Variants in GLIS3 observed in about 807,000 individuals in gnomAD.
GLIS3 encodes the protein GLIS family zinc finger 3.
Under a neutral mutation model 78.6 loss-of-function variants are expected in GLIS3, and 53 were observed. The observed-to-expected ratio is 0.67, with a 90% CI of 0.54 to 0.85. The LOEUF is 0.85. Ranked by LOEUF, GLIS3 falls within the 40% of genes least tolerant of loss-of-function variation. GLIS3 has a pLI of 0.00. For missense variants in GLIS3, 1,703 were observed against 1,231.1 expected, an observed-to-expected ratio of 1.38 and a Z score of -5.74; for synonymous variants, 684 against 509.9, an observed-to-expected ratio of 1.34 and a Z score of -4.60.
chr9:4,263,244 G>A (rs1825690626), intron 2 of GLIS3, among the ~76,000 whole-genome samples: 1 of 152,198 alleles, frequency 6.6e-6, no homozygotes, highest in Non-Finnish European at 1.5e-5. Flanking sequence ...CAGACTCTGG[G>A]ACAGAGAGGA....
At chr9:3,907,600 C>CACACACACACACACA in intron 6 of GLIS3, among the ~76,000 whole-genome samples, 2 of 120,400 alleles carry the variant, frequency 1.7e-5, no homozygotes, top group East Asian at 5.1e-4. Flanking sequence ...ATCCTCCACC[C>CACACACACACACACA]CCCAAACACA....
intron 2 of GLIS3, among the ~76,000 whole-genome samples, chr9:4,314,077 G>A (rs756366920): frequency 1.7e-4 from 26 of 152,136 alleles, no homozygotes; most frequent in South Asian, 4.1e-4. Flanking sequence ...GGTGTGACCC[G>A]GGGCAAGTAA....
At chr9:4,074,473 T>G (rs1216769820) in intron 4 of GLIS3, among the ~76,000 whole-genome samples, 1 of 152,204 alleles carries the variant, frequency 6.6e-6, no homozygotes, top group African/African-American at 2.4e-5. Flanking sequence ...CAGACAAATT[T>G]CCATCCCGGT....
At chr9:4,129,293 T>G (rs1226492572) in intron 2 of GLIS3, among the ~76,000 whole-genome samples, 1 of 152,148 alleles carries the variant, frequency 6.6e-6, no homozygotes, top group East Asian at 1.9e-4. Context: ...GTGCCGTATT[T>G]CTCCATGTCT....
chr9:4,239,339 AT>A (rs1220065142), intron 2 of GLIS3, among the ~76,000 whole-genome samples: 4 of 151,954 alleles, frequency 2.6e-5, no homozygotes, highest in Non-Finnish European at 2.9e-5. Flanking sequence ...ACCAAAAAAA[AT>A]GTTCTCTTAA....
chr9:4,380,534 T>C, the GLIS3 span, among the ~76,000 whole-genome samples: 4 of 152,350 alleles, frequency 2.6e-5, no homozygotes, highest in East Asian at 3.9e-4. Context: ...CACTTTTGCA[T>C]AATCAGAATC....
chr9:4,215,761 G>A (rs1262061734), intron 2 of GLIS3, among the ~76,000 whole-genome samples: 1 of 152,064 alleles, frequency 6.6e-6, no homozygotes, highest in Non-Finnish European at 1.5e-5. Flanking sequence ...TAACATTGTG[G>A]TACTACAAAG....
At chr9:3,900,235 T>G (rs1164779329) in intron 6 of GLIS3, among the ~76,000 whole-genome samples, 1 of 147,188 alleles carries the variant, frequency 6.8e-6, no homozygotes, top group Non-Finnish European at 1.5e-5. Context: ...GCGTGAAAAA[T>G]GTTTGCACAC....
In GLIS3 at chr9:4,244,255, C is replaced by T. The variant is rs145528279; in HGVS notation, c.388+41783G>A. On this transcript the variant is annotated intron_variant, in intron 2 of 10. Coordinates refer to ENST00000381971, the MANE Select transcript of GLIS3 (RefSeq NM_001042413.2). ...TCCTTCATTGCCTGTGTGAAACGTA[C>T]ATGGCACAGTAAATACACTTGGCTA... 7.3e-4 allele frequency among the ~76,000 whole-genome samples: 111 copies of T among 152,338 alleles called. 1 individual carries two copies. The highest frequency in any genetic ancestry group is 2.6e-3 in the African/African-American group (109 of 41,572).
chr9:4,482,624 T>C, the GLIS3 span, among the ~76,000 whole-genome samples: 1 of 152,194 alleles, frequency 6.6e-6, no homozygotes, highest in African/African-American at 2.4e-5. Flanking sequence ...GGCAACTATT[T>C]CTAGAGATAC....
intron 1 of GLIS3, chr9:4,298,423 C>G (rs759551055): frequency 9.0e-5 from 41 of 453,650 alleles, no homozygotes; most frequent in Non-Finnish European, 3.1e-5. Flanking sequence ...CAGCCAGGGC[C>G]AAGATTTCCA....
chr9:4,456,483 G>C, the GLIS3 span, among the ~76,000 whole-genome samples: 1 of 152,150 alleles, frequency 6.6e-6, no homozygotes, highest in Non-Finnish European at 1.5e-5. Context: ...AAACTTTCTC[G>C]CTATCAGCAA....
intron 4 of GLIS3, among the ~76,000 whole-genome samples, chr9:3,982,002 T>C (rs1819327451): frequency 6.6e-6 from 1 of 151,858 alleles, no homozygotes; most frequent in Non-Finnish European, 1.5e-5. Flanking sequence ...TGCAAAGTAA[T>C]TGCTTACACT....
At chr9:4,000,455 G>T (rs184170196) in intron 4 of GLIS3, among the ~76,000 whole-genome samples, 1 of 152,212 alleles carries the variant, frequency 6.6e-6, no homozygotes, top group East Asian at 1.9e-4. Context: ...TCTGAAATTG[G>T]ATGTTGGATT....
chr9:4,099,959 A>C, intron 4 of GLIS3, among the ~76,000 whole-genome samples: 1 of 152,220 alleles, frequency 6.6e-6, no homozygotes, highest in Non-Finnish European at 1.5e-5. Flanking sequence ...TCTCTCATGT[A>C]ATTTCTCTGA....
chr9:4,461,727 C>T, the GLIS3 span, among the ~76,000 whole-genome samples: 4 of 152,170 alleles, frequency 2.6e-5, no homozygotes, highest in Non-Finnish European at 4.4e-5. Context: ...ACCATCTTCT[C>T]TTTTCCCTCA....
chr9:3,965,025 A>G (rs1817827243), intron 4 of GLIS3, among the ~76,000 whole-genome samples: 1 of 152,038 alleles, frequency 6.6e-6, no homozygotes, highest in Non-Finnish European at 1.5e-5. Context: ...AAAAATAGCA[A>G]TATGAAATAA....
chr9:4,317,445 A>C (rs542708293), intron 2 of GLIS3, among the ~76,000 whole-genome samples: 13 of 152,230 alleles, frequency 8.5e-5, no homozygotes, highest in Non-Finnish European at 1.3e-4. Flanking sequence ...CCACTGCTTT[A>C]AAGGCATTTG....
chr9:4,195,228 C>T (rs888297624), intron 2 of GLIS3, among the ~76,000 whole-genome samples: 1 of 147,470 alleles, frequency 6.8e-6, no homozygotes, highest in Admixed American at 6.6e-5. Flanking sequence ...CCCACCACTG[C>T]ACTGTGGGAG....
Sources: gnomAD v4.1 joint callset for allele counts (sites outside exome capture counted in the v4.1 genomes callset) on GRCh38, gnomAD v4.1.1 for gene constraint, MANE v1.5 for transcripts, NCBI Gene and HGNC (gene_info 2026-07-23, HGNC 2026-07-21) for gene names.